Variants in SLC9A1 observed in about 807,000 individuals in gnomAD.
SLC9A1 encodes solute carrier family 9 member A1.
SLC9A1 carries 22 observed loss-of-function variants against 67.9 expected under a neutral mutation model. The observed-to-expected ratio is 0.32, with a 90% CI of 0.23 to 0.46. SLC9A1 has a LOEUF of 0.46. Ranked by LOEUF, SLC9A1 falls within the 20% of genes least tolerant of loss-of-function variation. The pLI, the probability that SLC9A1 is intolerant of heterozygous loss-of-function variation, is 1.00. For missense variants in SLC9A1, 686 were observed against 1,094.8 expected, an observed-to-expected ratio of 0.63 and a Z score of 5.27; for synonymous variants, 421 against 471.8, an observed-to-expected ratio of 0.89 and a Z score of 1.40.
intron 1 of SLC9A1, among the ~76,000 whole-genome samples, chr1:27,120,146 T>C (rs1030818762): frequency 2.0e-5 from 3 of 151,776 alleles, no homozygotes; most frequent in African/African-American, 7.3e-5. Context: ...TGTTTTGTTT[T>C]GTTTTGGGGG....
Position 27,123,912 on chromosome 1 carries a change from C to T in SLC9A1, c.353-9626G>A, listed in dbSNP as rs562411868. Among the ~76,000 whole-genome samples, 165 of 152,128 alleles carry T rather than the reference C, an allele frequency of 1.1e-3. 1 individual carries two copies. The highest frequency in any genetic ancestry group is 3.7e-3 in the African/African-American group (155 of 41,474). On this transcript the variant is annotated intron_variant, in intron 1 of 11. Coordinates refer to ENST00000263980, the MANE Select transcript of SLC9A1 (RefSeq NM_003047.5). ...CACGATCTTGGCTCACTGCAACCTC[C>T]GCCTCCCGGGTTCAAGCGATTCTCC...
chr1:27,102,486 G>A lies in SLC9A1; in HGVS notation c.1719C>T (p.Leu573=). The change falls in exon 8 of 12, where the codon CTC becomes CTT. Residue 573 remains leucine (L), a synonymous_variant. Transcript: ENST00000263980. ...TCTCCATCTTGTGGTAGAAGGCAAT[G>A]AGCTGGGGCTCCTTGGAGCGCTCGC... ...IAGERSKEPQ[L]IAFYHKMEMK... 6.2e-7 allele frequency: 1 copy of A among 1,611,270 alleles called. No individual in the cohort carries two copies. Among genetic ancestry groups the A allele is most frequent in the South Asian group, 1.1e-5 (1 of 91,054 alleles).
intron 5 of SLC9A1, among the ~76,000 whole-genome samples, chr1:27,104,258 T>C (rs1272621083): frequency 2.0e-5 from 3 of 152,072 alleles, no homozygotes; most frequent in Non-Finnish European, 2.9e-5. Context: ...ATTTTTGTAT[T>C]TTTAGTAGAA....
chr1:27,125,496 G>A (rs188915217), intron 1 of SLC9A1, among the ~76,000 whole-genome samples: 30 of 151,914 alleles, frequency 2.0e-4, no homozygotes, highest in African/African-American at 3.9e-4. Flanking sequence ...TCTGCCCACC[G>A]TGGCCTCCCA....
intron 5 of SLC9A1, chr1:27,105,616 T>C (rs2083177954): frequency 1.5e-6 from 1 of 669,774 alleles, no homozygotes; most frequent in East Asian, 2.7e-5. Context: ...CTTCTCTTAA[T>C]GCTCTATGAG....
chr1:27,101,221 G>A lies in SLC9A1; in HGVS notation c.2092C>T (p.Arg698Trp), dbSNP rs1323099528. The part of the protein sequence containing the change: ...AHKLDSPTMS[R>W]ARIGSDPLAY... ...CCCTTACCTGAGCCGATGCGGGCCC[G>A]AGACATGGTGGGTGAGTCCAGCTTG... The change falls in exon 11 of 12, where the codon CGG becomes TGG. Residue 698 changes from arginine to tryptophan, a missense_variant. Coordinates refer to ENST00000263980, the MANE Select transcript of SLC9A1 (RefSeq NM_003047.5). The surrounding 1 kb of genome is among the most constrained non-coding windows in gnomAD (Gnocchi z 4.9). 1.2e-6 allele frequency: 2 copies of A among 1,611,570 alleles called. No individual in the cohort carries two copies. The highest frequency in any genetic ancestry group is 1.7e-6 in the Non-Finnish European group (2 of 1,179,926).
intron 1 of SLC9A1, among the ~76,000 whole-genome samples, chr1:27,130,864 A>G (rs1488912674): frequency 6.6e-6 from 1 of 152,236 alleles, no homozygotes; most frequent in African/African-American, 2.4e-5. Context: ...CTCAGGGCAC[A>G]GGTTCTAGAG....
chr1:27,151,027 C>T (rs2083523480), intron 1 of SLC9A1, among the ~76,000 whole-genome samples: 1 of 152,168 alleles, frequency 6.6e-6, no homozygotes, highest in Non-Finnish European at 1.5e-5. Flanking sequence ...GGCCTCAGCC[C>T]CCCACCCTTA....
chr1:27,128,135 C>A (rs754561643), intron 1 of SLC9A1, among the ~76,000 whole-genome samples: 5 of 152,144 alleles, frequency 3.3e-5, no homozygotes, highest in African/African-American at 4.8e-5. Context: ...CAAGCTTGCA[C>A]GAGGCAGCAG....
Position 27,109,417 on chromosome 1 carries a change from G to A in SLC9A1, c.1064+110C>T, listed in dbSNP as rs1354944047. On this transcript the variant is annotated intron_variant, in intron 3 of 11. Transcript: ENST00000263980. This position sits in a 1 kb window ranked among gnomAD's most constrained non-coding sequence, Gnocchi z 5.5. ...CTGGAGTTCATGTCTCATCCCTGGAGCTCAAGGCTGGGCCCTGGGAGCTCC... is the reference window on the plus strand; with the variant it reads ...CTGGAGTTCATGTCTCATCCCTGGAACTCAAGGCTGGGCCCTGGGAGCTCC... 21 of 1,205,742 alleles carry A rather than the reference G, an allele frequency of 1.7e-5. No homozygotes were observed. Among genetic ancestry groups the A allele is most frequent in the Non-Finnish European group, 2.5e-5 (21 of 839,568 alleles). 74.7% of individuals were successfully genotyped at this position (1,205,742 alleles called of 1,614,324 possible). A position where few individuals can be genotyped will look rare whatever the true frequency, so the allele number is the denominator to read the frequency against.
At position 27,100,496 on chromosome 1, in the gene SLC9A1, C is replaced by T. The variant is rs147966767; in HGVS notation, c.2259G>A (p.Glu753=). ...TGCCCCCATCGTCGTCCTCGTCCTC[C>T]TCAGCCACCTTTGCAGGATCCCGGC... is the stretch of plus-strand genomic sequence containing the variant. ...GLSRDPAKVA[E]EDEDDDGGIM... Residue 753 remains glutamate (E), a synonymous_variant, in exon 12 of 12, where the codon GAG becomes GAA. Transcript: ENST00000263980. This position sits in a 1 kb window ranked among gnomAD's most constrained non-coding sequence, Gnocchi z 5.6. 317 of 1,614,130 alleles carry T rather than the reference C, an allele frequency of 2.0e-4. No individual in the cohort carries two copies. The African/African-American group carries it at 3.7e-3, about 19-fold the overall frequency.
chr1:27,110,055 C>T (rs572046566), intron 2 of SLC9A1, among the ~76,000 whole-genome samples: 1 of 152,348 alleles, frequency 6.6e-6, no homozygotes, highest in Admixed American at 6.5e-5. Context: ...GGAATCCTGG[C>T]TCTGCCACTC....
At chr1:27,107,531 T>G in intron 4 of SLC9A1, 117 bp downstream of exon 4, 1 of 757,104 alleles carries the variant, frequency 1.3e-6, no homozygotes, top group Non-Finnish European at 2.2e-6. Context: ...ACACACCACA[T>G]AGCCTGGCCC....
intron 2 of SLC9A1, among the ~76,000 whole-genome samples, chr1:27,112,504 G>A (rs1176768931): frequency 6.6e-6 from 1 of 152,216 alleles, no homozygotes; most frequent in Non-Finnish European, 1.5e-5. Flanking sequence ...AACCAGCTGG[G>A]AGGAAGGGCA....
At chr1:27,102,195 G>A in intron 8 of SLC9A1, 65 bp from the exon 9 acceptor site, 1 of 1,468,542 alleles carries the variant, frequency 6.8e-7, no homozygotes, top group African/African-American at 1.4e-5. Flanking sequence ...CCCAGGTTTG[G>A]CCAGAAGGAA....
rs948810317 is a variant in SLC9A1 at position 27,118,150 on chromosome 1, C to T, written c.353-3864G>A. On this transcript the variant is annotated intron_variant, in intron 1 of 11. Transcript: ENST00000263980. The surrounding 1 kb of genome is among the most constrained non-coding windows in gnomAD (Gnocchi z 4.3). ...GAGTACCTGGGGCTGGAGCCATGTT[C>T]CTGGAGCTGGTTTCCCTGGCTTTCC... Among the ~76,000 whole-genome samples, 3 of 152,176 alleles carry T rather than the reference C, an allele frequency of 2.0e-5. No individual in the cohort carries two copies. Among genetic ancestry groups the T allele is most frequent in the Non-Finnish European group, 4.4e-5 (3 of 68,036 alleles).
intron 1 of SLC9A1, among the ~76,000 whole-genome samples, chr1:27,142,516 C>T (rs2083458891): frequency 6.6e-6 from 1 of 152,242 alleles, no homozygotes; most frequent in African/African-American, 2.4e-5. Flanking sequence ...TTCCTAGCTG[C>T]ATCCTCAAAG....
intron 1 of SLC9A1, among the ~76,000 whole-genome samples, chr1:27,132,224 C>T (rs752889199): frequency 1.0e-3 from 156 of 152,054 alleles, no homozygotes; most frequent in Non-Finnish European, 1.9e-3. Flanking sequence ...AAAAGGAGGA[C>T]ATAACCACAG....
At chr1:27,129,619 C>T (rs924504259) in intron 1 of SLC9A1, among the ~76,000 whole-genome samples, 14 of 152,126 alleles carry the variant, frequency 9.2e-5, no homozygotes, top group African/African-American at 3.4e-4. Flanking sequence ...AGTGCAACCC[C>T]TCTATTTTAC....
Sources: allele counts gnomAD v4.1 joint callset (sites outside exome capture counted in the v4.1 genomes callset), GRCh38; gene constraint gnomAD v4.1.1; non-coding constraint Gnocchi (gnomAD v3.1); transcripts MANE v1.5; gene names NCBI Gene and HGNC (gene_info 2026-07-23, HGNC 2026-07-21).